TNKS1BP1: variants seen among roughly 807,000 people sequenced by gnomAD.
TNKS1BP1 encodes 182 kDa tankyrase-1-binding protein.
A neutral mutation model predicts 141.1 loss-of-function variants in TNKS1BP1; 48 were observed. The ratio of observed to expected loss-of-function variants is 0.34; its 90% confidence interval spans 0.27 to 0.43. TNKS1BP1 has a LOEUF of 0.43. Ranked by LOEUF, TNKS1BP1 falls within the 20% of genes least tolerant of loss-of-function variation. TNKS1BP1 has a pLI of 1.00. For synonymous variants in TNKS1BP1, 875 were observed against 898.2 expected (o/e 0.97, Z 0.46); for missense variants, 2,149 against 2,226.0 (o/e 0.97, Z 0.70).
intron 4 of TNKS1BP1, among the ~76,000 whole-genome samples, chr11:57,315,596 C>A (rs1157792832): frequency 6.6e-6 from 1 of 152,010 alleles, no homozygotes; most frequent in African/African-American, 2.4e-5. Flanking sequence ...CCACGGCACT[C>A]CCCCTGCCAT....
chr11:57,315,071 T>G (rs941840911), intron 4 of TNKS1BP1, among the ~76,000 whole-genome samples: 1 of 152,112 alleles, frequency 6.6e-6, no homozygotes, highest in African/African-American at 2.4e-5. Flanking sequence ...TAGCTTACAG[T>G]CATCTCCATA....
chr11:57,313,633 G>C lies in TNKS1BP1; in HGVS notation c.1055C>G (p.Pro352Arg). 2.6e-6 allele frequency: 4 copies of C among 1,560,456 alleles called. No individual in the cohort carries two copies. Among genetic ancestry groups the C allele is most frequent in the Non-Finnish European group, 3.5e-6 (4 of 1,152,830 alleles). The change falls in exon 5 of 12, where the codon CCC (proline) becomes CGC (arginine). Residue 352 changes from proline to arginine, a missense_variant. Physicochemically the swap from Pro to Arg is moderately radical, Grantham distance 103. Transcript: ENST00000358252. The part of the protein sequence containing the change: ...ALPDEGSRHT[P>R]SPGLPAEGAP... ...CCCCTCGGCAGGGAGCCCCGGGCTG[G>C]GGGTGTGGCGGGAGCCCTCGTCAGG...
At chr11:57,320,014 C>CCCCCCCCAAA in intron 3 of TNKS1BP1, 65 bp downstream of exon 3, 3 of 1,202,560 alleles carry the variant, frequency 2.5e-6, no homozygotes, top group East Asian at 5.1e-5. Context: ...GTCCCCAGCC[C>CCCCCCCCAAA]CCACCCAATC....
intron 5 of TNKS1BP1, among the ~76,000 whole-genome samples, chr11:57,311,841 G>A (rs1257913171): frequency 6.6e-6 from 1 of 152,250 alleles, no homozygotes; most frequent in Non-Finnish European, 1.5e-5. Context: ...CTCCTCTGAG[G>A]CCCAGCTGCC....
rs373036277 is a variant in TNKS1BP1 at position 57,301,833 on chromosome 11, G to A, written c.4945C>T (p.Pro1649Ser). The A allele has an allele frequency of 1.2e-6, 2 of 1,614,028 alleles. No homozygotes were observed. The highest frequency in any genetic ancestry group is 2.7e-5 in the African/African-American group (2 of 74,926). Residue 1649 changes from proline (P) to serine (S), a missense_variant, in exon 9 of 12, where the codon CCT (proline) becomes TCT (serine). Physicochemically the swap from Pro to Ser is moderately conservative, Grantham distance 74. Coordinates refer to ENST00000358252, the MANE Select transcript of TNKS1BP1 (RefSeq NM_033396.3). Reference sequence around the variant, plus strand: ...TTCAGGGCTGAGGGGCTCAGGCCAGGAAAGAGGTTGACTTTCAGCCCCTTG... The same window carrying A: ...TTCAGGGCTGAGGGGCTCAGGCCAGAAAAGAGGTTGACTTTCAGCCCCTTG... ...GTKGLKVNLF[P>S]GLSPSALKAK... is the part of the protein sequence containing the mutation.
Position 57,312,913 on chromosome 11 carries a change from G to T in TNKS1BP1, c.1775C>A (p.Ser592Ter). The T allele has an allele frequency of 6.2e-7, 1 of 1,610,996 alleles. No individual in the cohort carries two copies. The highest frequency in any genetic ancestry group is 8.5e-7 in the Non-Finnish European group (1 of 1,178,028). The part of the protein sequence containing the change: ...PLQQAEERYE[S>*]QEPLAGQESP... ...CTCCTGTCCAGCCAAGGGCTCCTGC[G>T]ACTCGTATCTCTCCTCTGCCTGCTG... The change falls in exon 5 of 12, where the codon TCG (serine) becomes TAG (stop). Residue 592 changes from serine to a stop codon, truncating the protein, a stop_gained. Coordinates refer to ENST00000358252, the MANE Select transcript of TNKS1BP1 (RefSeq NM_033396.3). LOFTEE classifies it high-confidence loss of function.
chr11:57,319,188 C>T (rs1855843789), intron 3 of TNKS1BP1, among the ~76,000 whole-genome samples: 1 of 151,912 alleles, frequency 6.6e-6, no homozygotes, highest in Non-Finnish European at 1.5e-5. Flanking sequence ...TCTTACCTCT[C>T]CCATCAGATT....
Position 57,299,978 on chromosome 11 carries a change from G to A in TNKS1BP1, c.*116C>T, listed in dbSNP as rs1590572138. 1 of 154,468 alleles carries A rather than the reference G, an allele frequency of 6.5e-6. No homozygotes were observed. The highest frequency in any genetic ancestry group is 1.9e-4 in the East Asian group (1 of 5,176). The allele number at this position is 154,468 out of a possible 1,614,324, so 9.6% of individuals were successfully genotyped here. A position where few individuals can be genotyped will look rare whatever the true frequency, so the allele number is the denominator to read the frequency against. ...TCCCCAGACGCTCCTCAGAGGTGGA[G>A]GGGACAGAGGCTGCAGCCTGGGGCA... On this transcript the variant is annotated 3_prime_UTR_variant, in exon 12 of 12. Coordinates refer to ENST00000358252, the MANE Select transcript of TNKS1BP1 (RefSeq NM_033396.3).
At chr11:57,317,342 A>C (rs1025041974) in intron 4 of TNKS1BP1, among the ~76,000 whole-genome samples, 2 of 152,028 alleles carry the variant, frequency 1.3e-5, no homozygotes, top group East Asian at 3.9e-4. Context: ...CAGCAAAAGG[A>C]CTCACCCCTC....
chr11:57,302,907 C>T lies in TNKS1BP1; in HGVS notation c.4317-82G>A. On this transcript the variant is annotated intron_variant, in intron 6 of 11. Transcript: ENST00000358252. This position sits in a 1 kb window ranked among gnomAD's most constrained non-coding sequence, Gnocchi z 5.5. The stretch of plus-strand genomic sequence containing the variant: ...GAAGCCTACTTCACAAGCTCCTTCC[C>T]CCAGCCCCCAAACTCTCCCTTGCCC... 1.4e-6 allele frequency: 2 copies of T among 1,412,298 alleles called. No homozygotes were observed. The highest frequency in any genetic ancestry group is 1.9e-6 in the Non-Finnish European group (2 of 1,079,422). 87.5% of individuals were successfully genotyped at this position (1,412,298 alleles called of 1,614,324 possible).
At chr11:57,304,104 A>ACGCATCCC (rs1171411254) in intron 6 of TNKS1BP1, among the ~76,000 whole-genome samples, 2 of 151,792 alleles carry the variant, frequency 1.3e-5, no homozygotes, top group East Asian at 1.9e-4. Flanking sequence ...ACACAAACAC[A>ACGCATCCC]CGCATCCCCG....
chr11:57,301,084 G>C, intron 9 of TNKS1BP1, 43 bp from the exon 10 acceptor site: 1 of 1,547,180 alleles, frequency 6.5e-7, no homozygotes. Context: ...AGAGGGACAG[G>C]CAGTAGGACT....
At position 57,313,264 on chromosome 11, in the gene TNKS1BP1, G is replaced by A. The variant is rs1382484122; in HGVS notation, c.1424C>T (p.Ser475Phe). Residue 475 changes from serine to phenylalanine, a missense_variant, in exon 5 of 12, where the codon TCC becomes TTC. By Grantham distance (155) the Ser-to-Phe change is radical. Coordinates refer to ENST00000358252, the MANE Select transcript of TNKS1BP1 (RefSeq NM_033396.3). ...CCTCGTGGGGAAGGTCCATTCGAAG[G>A]ACTGTGATAAGCTCCAGTTGGACTC... is the stretch of plus-strand genomic sequence containing the variant. Reference protein sequence around the residue: ...GAESNWSLSQSFEWTFPTRPS... With the variant: ...GAESNWSLSQFFEWTFPTRPS... The A allele has an allele frequency of 1.9e-6, 3 of 1,612,992 alleles. No homozygotes were observed. The highest frequency in any genetic ancestry group is 2.5e-6 in the Non-Finnish European group (3 of 1,180,024).
rs763709386 is a variant in TNKS1BP1, at chr11:57,302,655, ACCT to A, written c.4484_4486del (p.Glu1495del). 2 of 1,608,944 alleles carry A rather than the reference ACCT, an allele frequency of 1.2e-6. No homozygotes were observed. The highest frequency in any genetic ancestry group is 1.7e-5 in the Admixed American group (1 of 59,832). On this transcript the variant is annotated inframe_deletion, in exon 7 of 12. Coordinates refer to ENST00000358252, the MANE Select transcript of TNKS1BP1 (RefSeq NM_033396.3). The surrounding 1 kb of genome is among the most constrained non-coding windows in gnomAD (Gnocchi z 5.5). Reference sequence around the variant, plus strand: ...TGGAGAGTCCCTGCCAGGCTCCAGCACCTCCTCTTGGGCAGCACCTGCCCCGGC... The same window carrying A: ...TGGAGAGTCCCTGCCAGGCTCCAGCACCTCTTGGGCAGCACCTGCCCCGGC...
chr11:57,313,523 G>T lies in TNKS1BP1; in HGVS notation c.1165C>A (p.Arg389=). ...SLDQPPATSP[R]PLIEVGELLD... The stretch of plus-strand genomic sequence containing the variant: ...AACTCACCCACCTCGATCAGGGGCC[G>T]GGGTGAGGTGGCAGGGGGCTGATCC... The change falls in exon 5 of 12, where the codon CGG becomes AGG. Residue 389 remains arginine (R), a synonymous_variant. Transcript: ENST00000358252. 3 of 1,571,696 alleles carry T rather than the reference G, an allele frequency of 1.9e-6. 1 individual carries two copies. In the Middle Eastern group the frequency reaches 5.1e-4, roughly 270 times the overall value.
chr11:57,311,402 C>T (rs11228991), intron 5 of TNKS1BP1: 130 of 985,536 alleles, frequency 1.3e-4, no homozygotes, highest in Non-Finnish European at 1.5e-4. Context: ...CTGCTGGGTG[C>T]GGCCAGCCGG....
At chr11:57,324,020 G>C (rs1483229532) in intron 1 of TNKS1BP1, among the ~76,000 whole-genome samples, 2 of 152,218 alleles carry the variant, frequency 1.3e-5, no homozygotes, top group South Asian at 4.1e-4. Context: ...CAGAAGCTGC[G>C]ATTCGCAGCG....
chr11:57,301,735 GAAGA>G (rs1855526995), intron 9 of TNKS1BP1, 68 bp downstream of exon 9: 3 of 1,558,672 alleles, frequency 1.9e-6, no homozygotes, highest in Non-Finnish European at 2.6e-6. Context: ...TGGATGAAGA[GAAGA>G]AAGACAGCAT....
intron 2 of TNKS1BP1, 45 bp downstream of exon 2, chr11:57,321,747 C>T: frequency 1.4e-5 from 14 of 1,004,266 alleles, no homozygotes; most frequent in Non-Finnish European, 1.9e-5. Flanking sequence ...CTGTCCTTCC[C>T]ACCCCCCTCC....
Sources: gnomAD v4.1 joint callset for allele counts (sites outside exome capture counted in the v4.1 genomes callset) on GRCh38, gnomAD v4.1.1 for gene constraint, Gnocchi (gnomAD v3.1) non-coding constraint, MANE v1.5 for transcripts, NCBI Gene and HGNC (gene_info 2026-07-23, HGNC 2026-07-21) for gene names.